EXT1: variants seen among roughly 807,000 people sequenced by gnomAD.
The protein encoded by EXT1 is exostosin-1.
EXT1 carries 20 observed loss-of-function variants against 82.5 expected under a neutral mutation model. That is an observed-to-expected ratio of 0.24 (90% CI 0.17 to 0.35). The LOEUF is 0.35. EXT1 is among the 10% of genes least tolerant of loss of function. The pLI, the probability that EXT1 is intolerant of heterozygous loss-of-function variation, is 1.00. For missense variants in EXT1, 757 were observed against 936.5 expected, an observed-to-expected ratio of 0.81 and a Z score of 2.50; for synonymous variants, 348 against 350.8, an observed-to-expected ratio of 0.99 and a Z score of 0.09.
chr8:117,910,192 C>T (rs1445709734), intron 1 of EXT1, among the ~76,000 whole-genome samples: 3 of 152,140 alleles, frequency 2.0e-5, no homozygotes, highest in African/African-American at 7.2e-5. Context: ...GCCAGATGCA[C>T]AATAGACTAG....
intron 1 of EXT1, among the ~76,000 whole-genome samples, chr8:117,978,275 C>T (rs1408688206): frequency 2.6e-5 from 4 of 152,326 alleles, no homozygotes; most frequent in African/African-American, 9.6e-5. Context: ...TTCTGAACAA[C>T]CACATTCTGG....
At chr8:118,047,387 C>T (rs78852850) in intron 1 of EXT1, among the ~76,000 whole-genome samples, 1 of 152,230 alleles carries the variant, frequency 6.6e-6, no homozygotes, top group Non-Finnish European at 1.5e-5. Flanking sequence ...GTACTTAACC[C>T]TCTTAGGTTT....
At chr8:117,984,322 G>T (rs551605217) in intron 1 of EXT1, among the ~76,000 whole-genome samples, 2 of 152,218 alleles carry the variant, frequency 1.3e-5, no homozygotes, top group South Asian at 4.1e-4. Flanking sequence ...GGGAGGCTGA[G>T]GCAGGAGAAT....
At chr8:118,103,961 G>C (rs1038437170) in intron 1 of EXT1, among the ~76,000 whole-genome samples, 4 of 152,186 alleles carry the variant, frequency 2.6e-5, no homozygotes, top group African/African-American at 9.7e-5. Context: ...CACGCTTCAC[G>C]TATTAAAAGT....
rs1563581243 is a variant in EXT1 at position 117,856,421 on chromosome 8, A to ATTT, written c.963-19221_963-19220insAAA. Among the ~76,000 whole-genome samples, 376 of 119,936 alleles carry ATTT rather than the reference A, an allele frequency of 3.1e-3. 4 individuals are homozygous for ATTT. Among genetic ancestry groups the ATTT allele is most frequent in the East Asian group, 0.014 (54 of 3,818 alleles). 78.7% of individuals were successfully genotyped at this position (119,936 alleles called of 152,430 possible). On this transcript the variant is annotated intron_variant, in intron 1 of 10. Transcript: ENST00000378204. ...AGGCGCCAGCCACCACGCCTGGCTA[A>ATTT]ATTTTTTTTTTTTTTTTTTTTTTTT...
At chr8:118,055,950 A>C (rs1001189415) in intron 1 of EXT1, among the ~76,000 whole-genome samples, 2 of 152,218 alleles carry the variant, frequency 1.3e-5, no homozygotes, top group Non-Finnish European at 2.9e-5. Context: ...GACATCATAT[A>C]GCAAACAAAT....
Position 117,796,075 on chromosome 8 carries a change from A to T in EXT1, c.*3637T>A, listed in dbSNP as rs1823084723. The T allele has an allele frequency of 6.6e-6, 1 of 152,218 alleles. No individual in the cohort carries two copies. The highest frequency in any genetic ancestry group is 6.5e-5 in the Admixed American group (1 of 15,284). 9.4% of individuals were successfully genotyped at this position (152,218 alleles called of 1,614,324 possible). On this transcript the variant is annotated 3_prime_UTR_variant, in exon 11 of 11. Coordinates refer to ENST00000378204, the MANE Select transcript of EXT1 (RefSeq NM_000127.3). ...GGGAACTAGGTAAATGAATTCAGCAACTGCGGTCCTGATGTACTGGCTGCA... is the reference window on the plus strand; with the variant it reads ...GGGAACTAGGTAAATGAATTCAGCATCTGCGGTCCTGATGTACTGGCTGCA...
At chr8:117,867,451 T>G (rs1812794357) in intron 1 of EXT1, among the ~76,000 whole-genome samples, 1 of 152,046 alleles carries the variant, frequency 6.6e-6, no homozygotes, top group Non-Finnish European at 1.5e-5. Context: ...GACAAACCAA[T>G]TAGTGTGGAT....
chr8:118,069,344 T>G (rs1048550919), intron 1 of EXT1, among the ~76,000 whole-genome samples: 2 of 152,184 alleles, frequency 1.3e-5, no homozygotes, highest in African/African-American at 4.8e-5. Context: ...GAATCACTAA[T>G]AGCACCCTCC....
chr8:118,030,595 G>A (rs1229246716), intron 1 of EXT1, among the ~76,000 whole-genome samples: 1 of 152,050 alleles, frequency 6.6e-6, no homozygotes, highest in African/African-American at 2.4e-5. Context: ...GATTCTCCTG[G>A]CTTAGCCTCC....
chr8:118,062,341 T>C (rs1816896926), intron 1 of EXT1, among the ~76,000 whole-genome samples: 1 of 152,186 alleles, frequency 6.6e-6, no homozygotes, highest in South Asian at 2.1e-4. Flanking sequence ...TGTTGTATCC[T>C]AGTGAAGGTG....
intron 2 of EXT1, among the ~76,000 whole-genome samples, chr8:117,836,282 T>C (rs1027330424): frequency 2.6e-5 from 4 of 152,204 alleles, no homozygotes; most frequent in Non-Finnish European, 5.9e-5. Flanking sequence ...TGGCATGCTA[T>C]GCAGAACACA....
At chr8:118,033,984 G>T (rs749021376) in intron 1 of EXT1, among the ~76,000 whole-genome samples, 60 of 152,134 alleles carry the variant, frequency 3.9e-4, no homozygotes, top group Admixed American at 2.1e-3. Flanking sequence ...ATTTGGAATA[G>T]AAGGCAAACT....
At chr8:118,064,256 T>C (rs1335615834) in intron 1 of EXT1, among the ~76,000 whole-genome samples, 1 of 152,156 alleles carries the variant, frequency 6.6e-6, no homozygotes, top group South Asian at 2.1e-4. Flanking sequence ...GGTATACACA[T>C]GCCATGGTGG....
At chr8:117,886,623 T>C (rs536843951) in intron 1 of EXT1, among the ~76,000 whole-genome samples, 37 of 152,326 alleles carry the variant, frequency 2.4e-4, no homozygotes, top group Non-Finnish European at 5.0e-4. Flanking sequence ...AAAGAAAAGC[T>C]ACACTTTAGA....
chr8:117,979,521 G>A lies in EXT1; in HGVS notation c.962+130564C>T, dbSNP rs1334266473. Among the ~76,000 whole-genome samples, 9 of 149,058 alleles carry A rather than the reference G, an allele frequency of 6.0e-5. No individual in the cohort carries two copies. The South Asian group carries it at 6.3e-4, about 10-fold the overall frequency. On this transcript the variant is annotated intron_variant, in intron 1 of 10. Transcript: ENST00000378204. ...GGAACTCAGATACCTAACTCAAAACGAAACATCAAAAATGAAAAAAAAAAA... is the reference window on the plus strand; with the variant it reads ...GGAACTCAGATACCTAACTCAAAACAAAACATCAAAAATGAAAAAAAAAAA...
chr8:117,807,131 C>G (rs192161420), intron 9 of EXT1, 86 bp downstream of exon 9: 4 of 1,537,940 alleles, frequency 2.6e-6, no homozygotes, highest in Non-Finnish European at 2.7e-6. Flanking sequence ...ATGCTGTTAA[C>G]AAGATTTGGC....
At position 117,873,423 on chromosome 8, in the gene EXT1, G is replaced by C. The variant is rs563257518; in HGVS notation, c.963-36222C>G. On this transcript the variant is annotated intron_variant, in intron 1 of 10. Transcript: ENST00000378204. ...AAAATGGAGAAAATTAGCAAGTATG[G>C]TTAAGACCAATGTTGTCCTGTGACT... Among the ~76,000 whole-genome samples the C allele has an allele frequency of 1.0e-4, 15 of 147,898 alleles. No homozygotes were observed. The South Asian group carries it at 1.3e-3, about 13-fold the overall frequency.
In EXT1 at chr8:117,918,703, G is replaced by A. The variant is rs75354399; in HGVS notation, c.963-81502C>T. Among the ~76,000 whole-genome samples, 648 of 152,282 alleles carry A rather than the reference G, an allele frequency of 4.3e-3. 9 individuals are homozygous for A. The highest frequency in any genetic ancestry group is 0.013 in the African/African-American group (558 of 41,550). On this transcript the variant is annotated intron_variant, in intron 1 of 10. Coordinates refer to ENST00000378204, the MANE Select transcript of EXT1 (RefSeq NM_000127.3). ...GTGAGAGGCTGCATGGAGGCGAACT[G>A]AGCGTCCCACTGAGCTACCAGCCGA...
Sources: allele counts gnomAD v4.1 joint callset (sites outside exome capture counted in the v4.1 genomes callset), GRCh38; gene constraint gnomAD v4.1.1; transcripts MANE v1.5; gene names NCBI Gene and HGNC (gene_info 2026-07-23, HGNC 2026-07-21).